The following PTPRT variants were observed in gnomAD, a reference collection of about 807,000 sequenced individuals.
PTPRT encodes the protein protein tyrosine phosphatase receptor type T.
Under a neutral mutation model 176.8 loss-of-function variants are expected in PTPRT, and 56 were observed. That is an observed-to-expected ratio of 0.32 (90% CI 0.26 to 0.40). The LOEUF (loss-of-function observed/expected upper bound fraction) is 0.40, where lower values mean the gene tolerates loss of function less well. Among genes scored for constraint, PTPRT ranks in the 10% least tolerant of loss-of-function variants. The pLI, the probability that PTPRT is intolerant of heterozygous loss-of-function variation, is 1.00. For synonymous variants in PTPRT, 783 were observed against 739.0 expected (o/e 1.06, Z -0.96); for missense variants, 1,540 against 1,908.2 (o/e 0.81, Z 3.60).
At chr20:42,265,015 G>C (rs185093549) in intron 13 of PTPRT, among the ~76,000 whole-genome samples, 6 of 152,240 alleles carry the variant, frequency 3.9e-5, no homozygotes, top group African/African-American at 1.4e-4. Context: ...CTGTAAGATG[G>C]GTTAAGATCA....
intron 10 of PTPRT, among the ~76,000 whole-genome samples, chr20:42,351,261 T>C (rs2058279549): frequency 6.6e-6 from 1 of 152,162 alleles, no homozygotes; most frequent in Non-Finnish European, 1.5e-5. Context: ...TTTTCCAAAT[T>C]CTGAATTTAT....
chr20:43,089,829 C>T (rs956015967), intron 1 of PTPRT, among the ~76,000 whole-genome samples: 1 of 152,136 alleles, frequency 6.6e-6, no homozygotes, highest in African/African-American at 2.4e-5. Flanking sequence ...ATGAATTTTC[C>T]CAGGCTGAAA....
At chr20:43,151,451 A>G (rs2014353744) in intron 1 of PTPRT, among the ~76,000 whole-genome samples, 1 of 152,200 alleles carries the variant, frequency 6.6e-6, no homozygotes, top group Admixed American at 6.5e-5. Flanking sequence ...GGAAAGTTTT[A>G]GTAATTCATC....
intron 1 of PTPRT, among the ~76,000 whole-genome samples, chr20:43,120,273 T>G: frequency 8.0e-6 from 1 of 124,604 alleles, no homozygotes; most frequent in Non-Finnish European, 1.9e-5. Context: ...CACTTCCAGA[T>G]CCAGTTTTTT....
At chr20:42,200,696 G>T (rs757820009) in intron 15 of PTPRT, among the ~76,000 whole-genome samples, 2 of 152,138 alleles carry the variant, frequency 1.3e-5, no homozygotes, top group Non-Finnish European at 2.9e-5. Context: ...TCGAAAAAGC[G>T]AACATGGTCC....
chr20:42,096,587 C>T (rs114420437), intron 27 of PTPRT, among the ~76,000 whole-genome samples: 3 of 151,542 alleles, frequency 2.0e-5, no homozygotes, highest in African/African-American at 7.3e-5. Flanking sequence ...CGGGATGACA[C>T]AGTAAGAGTC....
At chr20:42,345,744 AAT>A (rs897900404) in intron 11 of PTPRT, among the ~76,000 whole-genome samples, 1 of 151,292 alleles carries the variant, frequency 6.6e-6, no homozygotes, top group Admixed American at 6.6e-5. Context: ...CAAAACAAAA[AAT>A]ATATATATAT....
intron 1 of PTPRT, among the ~76,000 whole-genome samples, chr20:43,076,272 C>T (rs2011273664): frequency 6.6e-6 from 1 of 152,134 alleles, no homozygotes. Context: ...ACTGCTAAGA[C>T]TCCTGGAGTC....
rs756307795 is a variant in PTPRT, at chr20:42,448,319, A to C, written c.1461T>G (p.Ala487=). 1 of 1,611,292 alleles carries C rather than the reference A, an allele frequency of 6.2e-7. No homozygotes were observed. The highest frequency in any genetic ancestry group is 1.3e-5 in the African/African-American group (1 of 74,964). The change falls in exon 9 of 31, where the codon GCT becomes GCG. Residue 487 remains alanine (A), a synonymous_variant. Coordinates refer to ENST00000373187, the MANE Select transcript of PTPRT (RefSeq NM_007050.6). ...CCCCTTGGATGGATTCTAGAGGAAC[A>C]GCTCCTGGAACTACAGAATGGAAAA... ...VVQTEEDVPG[A]VPLESIQGGP...
chr20:42,413,859 T>C (rs966174872), intron 9 of PTPRT, among the ~76,000 whole-genome samples: 1 of 152,162 alleles, frequency 6.6e-6, no homozygotes, highest in East Asian at 1.9e-4. Context: ...AGAGACTTTA[T>C]TTTTTGTTTG....
At chr20:43,080,206 G>A (rs1371658289) in intron 1 of PTPRT, among the ~76,000 whole-genome samples, 3 of 152,130 alleles carry the variant, frequency 2.0e-5, no homozygotes, top group Non-Finnish European at 4.4e-5. Flanking sequence ...GCTGACACTT[G>A]GAGCCATTAC....
At position 42,106,711 on chromosome 20, in the gene PTPRT, C is replaced by G. The variant is rs1430445891; in HGVS notation, c.3390+75G>C. ...CCATAGGATGCCCCTACCTATGTGTCTCTCCGTTCTATCATCATGTTTCTC... is the reference window on the plus strand; with the variant it reads ...CCATAGGATGCCCCTACCTATGTGTGTCTCCGTTCTATCATCATGTTTCTC... On this transcript the variant is annotated intron_variant, in intron 24 of 30. Coordinates refer to ENST00000373187, the MANE Select transcript of PTPRT (RefSeq NM_007050.6). The G allele has an allele frequency of 5.8e-6, 9 of 1,553,358 alleles. No individual in the cohort carries two copies. The East Asian group carries it at 1.1e-4, about 20-fold the overall frequency.
At chr20:42,687,851 G>A (rs761011) in intron 6 of PTPRT, 21,746 of 152,164 alleles carry the variant, frequency 0.14, 2,226 homozygotes, top group African/African-American at 0.28. Context: ...TTACTGTCAC[G>A]CAGCAAGGAC....
chr20:42,606,331 C>T (rs1048804081), intron 7 of PTPRT, among the ~76,000 whole-genome samples: 1 of 152,174 alleles, frequency 6.6e-6, no homozygotes, highest in Non-Finnish European at 1.5e-5. Context: ...GGGACCTCAG[C>T]AAAGCCAATC....
At chr20:42,905,089 CT>C (rs1348845206) in intron 1 of PTPRT, among the ~76,000 whole-genome samples, 5 of 152,186 alleles carry the variant, frequency 3.3e-5, no homozygotes, top group African/African-American at 9.7e-5. Context: ...AACTAAAGAG[CT>C]TCTGGACAGC....
At chr20:42,262,950 CA>C (rs2056774670) in intron 13 of PTPRT, among the ~76,000 whole-genome samples, 2 of 152,134 alleles carry the variant, frequency 1.3e-5, no homozygotes, top group Admixed American at 6.5e-5. Context: ...TTGCAGAGAT[CA>C]AACTGTCTGA....
At chr20:42,096,752 T>TA (rs113204564) in intron 27 of PTPRT, among the ~76,000 whole-genome samples, 2,607 of 114,104 alleles carry the variant, frequency 0.023, 98 homozygotes, top group East Asian at 0.031. Context: ...CCTGGCTAAT[T>TA]AAAATTTTTT....
intron 9 of PTPRT, among the ~76,000 whole-genome samples, chr20:42,375,439 G>C (rs1308304527): frequency 6.6e-6 from 1 of 152,124 alleles, no homozygotes; most frequent in Non-Finnish European, 1.5e-5. Flanking sequence ...CATCGTAAAA[G>C]GCTACAGGGA....
intron 7 of PTPRT, among the ~76,000 whole-genome samples, chr20:42,485,699 T>C (rs1279814479): frequency 6.6e-6 from 1 of 152,182 alleles, no homozygotes; most frequent in Non-Finnish European, 1.5e-5. Flanking sequence ...AGGACATTCT[T>C]GATCTTCCAA....
Sources: gnomAD v4.1 joint callset for allele counts (sites outside exome capture counted in the v4.1 genomes callset) on GRCh38, gnomAD v4.1.1 for gene constraint, MANE v1.5 for transcripts, NCBI Gene and HGNC (gene_info 2026-07-23, HGNC 2026-07-21) for gene names.